The following SLC25A26 variants were observed in gnomAD, a reference collection of about 807,000 sequenced individuals.
The protein encoded by SLC25A26 is solute carrier family 25 member 26.
A neutral mutation model predicts 37.8 loss-of-function variants in SLC25A26; 36 were observed. The observed-to-expected ratio is 0.95, with a 90% CI of 0.73 to 1.26. The LOEUF is 1.26. SLC25A26 is among the 50% of genes most tolerant of loss of function. The probability of loss-of-function intolerance (pLI) is 0.00; values close to 1 mark genes in which losing one functional copy is unlikely to be tolerated. For synonymous variants in SLC25A26, 129 were observed against 122.5 expected (o/e 1.05, Z -0.35); for missense variants, 390 against 331.1 (o/e 1.18, Z -1.38).
rs146868694 is a variant in SLC25A26 at position 66,171,665 on chromosome 3, T to C, written c.-354+37681T>C. On this transcript the variant is annotated intron_variant, in intron 1 of 10. Coordinates refer to the SLC25A26 transcript ENST00000676754. The stretch of plus-strand genomic sequence containing the variant: ...TCACCATGCCTGGCTACTTTCTGTA[T>C]TTTTAGTAGAGATGGGGTTTCACCA... Among the ~76,000 whole-genome samples, 721 of 152,270 alleles carry C rather than the reference T, an allele frequency of 4.7e-3. 4 individuals are homozygous for C. Among genetic ancestry groups the C allele is most frequent in the Non-Finnish European group, 6.8e-3 (462 of 68,012 alleles).
intron 7 of SLC25A26, among the ~76,000 whole-genome samples, chr3:66,367,709 G>GAA (rs2076855515): frequency 1.6e-5 from 2 of 127,790 alleles, no homozygotes; most frequent in Non-Finnish European, 3.0e-5. Context: ...GACAGACACA[G>GAA]AGAGAGAGAG....
At chr3:66,331,876 C>T (rs1244510807) in intron 5 of SLC25A26, among the ~76,000 whole-genome samples, 1 of 152,062 alleles carries the variant, frequency 6.6e-6, no homozygotes, top group Non-Finnish European at 1.5e-5. Flanking sequence ...AATATTTTCA[C>T]TTTCCTCTTG....
intron 5 of SLC25A26, among the ~76,000 whole-genome samples, chr3:66,329,933 C>T (rs746212311): frequency 9.2e-5 from 14 of 152,170 alleles, no homozygotes; most frequent in Non-Finnish European, 1.9e-4. Flanking sequence ...ATCTTTATAA[C>T]TGCTTTAGCA....
At chr3:66,170,744 G>A (rs2070483252) in intron 1 of SLC25A26, among the ~76,000 whole-genome samples, 1 of 147,334 alleles carries the variant, frequency 6.8e-6, no homozygotes, top group Non-Finnish European at 1.5e-5. Context: ...GACACATGTA[G>A]TGCCTGAAGC....
intron 5 of SLC25A26, among the ~76,000 whole-genome samples, chr3:66,330,974 G>A (rs1034108319): frequency 6.6e-6 from 1 of 151,940 alleles, no homozygotes; most frequent in Non-Finnish European, 1.5e-5. Context: ...GTATATCTCA[G>A]TCATTTTTTA....
chr3:66,256,300 T>A (rs1317876552), intron 3 of SLC25A26, among the ~76,000 whole-genome samples: 1 of 152,202 alleles, frequency 6.6e-6, no homozygotes, highest in Non-Finnish European at 1.5e-5. Flanking sequence ...TTTTGTGGAT[T>A]TATTGCTACT....
intron 5 of SLC25A26, among the ~76,000 whole-genome samples, chr3:66,321,489 A>G (rs2107643608): frequency 1.3e-5 from 2 of 152,272 alleles, no homozygotes; most frequent in East Asian, 3.9e-4. Flanking sequence ...CCTTCCGTGT[A>G]GGGATTTGTA....
intron 1 of SLC25A26, among the ~76,000 whole-genome samples, chr3:66,204,651 C>A (rs2071154695): frequency 6.6e-6 from 1 of 152,084 alleles, no homozygotes; most frequent in South Asian, 2.1e-4. Context: ...TTCCTAGAGT[C>A]AGAACATTGA....
intron 5 of SLC25A26, among the ~76,000 whole-genome samples, chr3:66,315,146 A>G (rs1254512852): frequency 4.5e-5 from 4 of 89,352 alleles, no homozygotes; most frequent in African/African-American, 1.8e-4. Context: ...GATCTTGGTT[A>G]TTTCTTGTCT....
intron 1 of SLC25A26, among the ~76,000 whole-genome samples, chr3:66,183,084 A>C (rs1165186199): frequency 6.6e-6 from 1 of 152,128 alleles, no homozygotes; most frequent in Non-Finnish European, 1.5e-5. Flanking sequence ...ACAAATACCC[A>C]AAAAGTGTTG....
chr3:66,338,755 A>G (rs1051555205), intron 5 of SLC25A26, among the ~76,000 whole-genome samples: 1 of 151,966 alleles, frequency 6.6e-6, no homozygotes, highest in African/African-American at 2.4e-5. Context: ...CACACAAACT[A>G]CAACTTCTAA....
intron 9 of SLC25A26, among the ~76,000 whole-genome samples, chr3:66,374,733 T>C (rs767137926): frequency 2.7e-4 from 41 of 152,030 alleles, no homozygotes; most frequent in Middle Eastern, 3.2e-3. Context: ...ATACAAAAAT[T>C]AGCTGGCCAT....
chr3:66,370,860 G>T (rs1226929146), intron 9 of SLC25A26, among the ~76,000 whole-genome samples: 1 of 152,196 alleles, frequency 6.6e-6, no homozygotes, highest in African/African-American at 2.4e-5. Context: ...CTCTCACCAG[G>T]GTCTGGGCTG....
chr3:66,350,228 G>C (rs1305136595), intron 6 of SLC25A26, among the ~76,000 whole-genome samples: 1 of 152,120 alleles, frequency 6.6e-6, no homozygotes, highest in East Asian at 1.9e-4. Context: ...GGCACTGCAG[G>C]GAGTAAGGGG....
chr3:66,361,023 A>G (rs80126361), intron 6 of SLC25A26, among the ~76,000 whole-genome samples: 7,465 of 152,334 alleles, frequency 0.049, 240 homozygotes, highest in South Asian at 0.081. Flanking sequence ...TAGTGAAGAA[A>G]GTATGGAATT....
chr3:66,296,481 T>TAGCA (rs575283596), intron 5 of SLC25A26, among the ~76,000 whole-genome samples: 7 of 152,346 alleles, frequency 4.6e-5, no homozygotes, highest in African/African-American at 1.4e-4. Context: ...AAATTTACTT[T>TAGCA]ATTAATTGCT....
At chr3:66,243,695 C>T (rs897401433) in intron 3 of SLC25A26, among the ~76,000 whole-genome samples, 3 of 152,146 alleles carry the variant, frequency 2.0e-5, no homozygotes, top group Non-Finnish European at 4.4e-5. Flanking sequence ...TTGGGTCAGC[C>T]ACAAGAGAAA....
intron 6 of SLC25A26, among the ~76,000 whole-genome samples, chr3:66,360,649 G>A (rs2076677083): frequency 6.6e-6 from 1 of 152,186 alleles, no homozygotes; most frequent in Non-Finnish European, 1.5e-5. Context: ...AAAACAGTGC[G>A]ATTTGCAGTA....
rs535353730 is a variant in SLC25A26 at position 66,143,989 on chromosome 3, G to A, written c.-354+10005G>A. On this transcript the variant is annotated intron_variant, in intron 1 of 10. Transcript: ENST00000676754. The stretch of plus-strand genomic sequence containing the variant: ...GAGAGACTGCACACTTTGTTGGCCT[G>A]TGAAGCTAACACTGACAATAAGAAA... Among the ~76,000 whole-genome samples, 3 of 152,272 alleles carry A rather than the reference G, an allele frequency of 2.0e-5. No homozygotes were observed. In the South Asian group the frequency reaches 6.2e-4, roughly 32 times the overall value.
Sources: allele counts gnomAD v4.1 joint callset (sites outside exome capture counted in the v4.1 genomes callset), GRCh38; gene constraint gnomAD v4.1.1; transcripts MANE v1.5; gene names NCBI Gene and HGNC (gene_info 2026-07-23, HGNC 2026-07-21).